FAM222B: variants seen among roughly 807,000 people sequenced by gnomAD.
FAM222B encodes the protein protein FAM222B.
FAM222B carries 12 observed loss-of-function variants against 38.0 expected under a neutral mutation model. That is an observed-to-expected ratio of 0.32 (90% CI 0.20 to 0.51). FAM222B has a LOEUF of 0.51. Among genes scored for constraint, FAM222B ranks in the 20% least tolerant of loss-of-function variants. FAM222B has a pLI of 0.97. For synonymous variants in FAM222B, 329 were observed against 317.2 expected (o/e 1.04, Z -0.40); for missense variants, 716 against 754.2 (o/e 0.95, Z 0.59).
intron 1 of FAM222B, among the ~76,000 whole-genome samples, chr17:28,808,007 CTT>C (rs1178685859): frequency 1.3e-5 from 2 of 152,228 alleles, no homozygotes; most frequent in African/African-American, 4.8e-5. Flanking sequence ...TCAGTGGACT[CTT>C]TCCCTTTTAC....
At chr17:28,767,749 T>C (rs934506935) in intron 1 of FAM222B, among the ~76,000 whole-genome samples, 2 of 152,188 alleles carry the variant, frequency 1.3e-5, no homozygotes, top group African/African-American at 4.8e-5. Flanking sequence ...GTGCTGTGAT[T>C]ACAGTCATGA....
At chr17:28,808,782 C>G (rs1359413361) in intron 1 of FAM222B, among the ~76,000 whole-genome samples, 8 of 152,216 alleles carry the variant, frequency 5.3e-5, no homozygotes, top group Non-Finnish European at 8.8e-5. Flanking sequence ...ATCCATTGTT[C>G]TAAATAAGTC....
rs141392362 is a variant in FAM222B at position 28,779,240 on chromosome 17, A to G, written c.-40-12533T>C. ...GAGACAAGGACACTACAAGAAAATT[A>G]CAGGTCAATATCCCTGATGAACAAA... On this transcript the variant is annotated intron_variant, in intron 1 of 2. Coordinates refer to ENST00000581407, the MANE Select transcript of FAM222B (RefSeq NM_001077498.3). Among the ~76,000 whole-genome samples, 28 of 152,298 alleles carry G rather than the reference A, an allele frequency of 1.8e-4. No individual in the cohort carries two copies. The East Asian group carries it at 5.2e-3, about 28-fold the overall frequency.
At chr17:28,773,690 C>G (rs1046984520) in intron 1 of FAM222B, among the ~76,000 whole-genome samples, 1 of 151,586 alleles carries the variant, frequency 6.6e-6, no homozygotes, top group Non-Finnish European at 1.5e-5. Flanking sequence ...CCCAGCTACT[C>G]GAGAGGCTGA....
At chr17:28,838,596 T>C (rs1165232383) in intron 1 of FAM222B, among the ~76,000 whole-genome samples, 1 of 140,208 alleles carries the variant, frequency 7.1e-6, no homozygotes. Context: ...AATAAATAAA[T>C]AGAATTTAAA....
intron 1 of FAM222B, among the ~76,000 whole-genome samples, chr17:28,803,956 G>C (rs991100731): frequency 6.6e-6 from 1 of 151,848 alleles, no homozygotes; most frequent in African/African-American, 2.4e-5. Context: ...GCTCCAGCCT[G>C]GGTGACAGAG....
chr17:28,758,834 C>A lies in FAM222B; in HGVS notation c.1125G>T (p.Gln375His). 6.2e-7 allele frequency: 1 copy of A among 1,600,090 alleles called. No homozygotes were observed. The highest frequency in any genetic ancestry group is 8.5e-7 in the Non-Finnish European group (1 of 1,173,986). ...WNQHQLAHLQ[Q>H]MCSEASGTPA... ...GCGTCCCACTAGCCTCGCTGCACATCTGCTGTAGGTGGGCCAGCTGGTGCT... is the reference window on the plus strand; with the variant it reads ...GCGTCCCACTAGCCTCGCTGCACATATGCTGTAGGTGGGCCAGCTGGTGCT... The change falls in exon 3 of 3, where the codon CAG (glutamine) becomes CAT (histidine). Residue 375 changes from glutamine to histidine, a missense_variant. Coordinates refer to ENST00000581407, the MANE Select transcript of FAM222B (RefSeq NM_001077498.3).
chr17:28,829,466 C>G (rs188829796), intron 1 of FAM222B, among the ~76,000 whole-genome samples: 32 of 152,276 alleles, frequency 2.1e-4, no homozygotes, highest in African/African-American at 7.5e-4. Flanking sequence ...ACCACTGCGC[C>G]CGGCCCACTG....
intron 1 of FAM222B, among the ~76,000 whole-genome samples, chr17:28,788,779 T>C (rs531030066): frequency 2.6e-5 from 4 of 152,268 alleles, no homozygotes; most frequent in African/African-American, 9.6e-5. Flanking sequence ...TCTCACTCTG[T>C]CATCCAGGCT....
intron 1 of FAM222B, among the ~76,000 whole-genome samples, chr17:28,780,033 C>A (rs973100086): frequency 1.3e-5 from 2 of 151,132 alleles, no homozygotes; most frequent in African/African-American, 4.9e-5. Flanking sequence ...TGCAGTGATG[C>A]AATCTCAGCT....
chr17:28,773,408 G>A (rs897820691), intron 1 of FAM222B, among the ~76,000 whole-genome samples: 1 of 150,100 alleles, frequency 6.7e-6, no homozygotes, highest in Non-Finnish European at 1.5e-5. Flanking sequence ...GAACCTGGGA[G>A]GTGGAGGTTG....
intron 1 of FAM222B, among the ~76,000 whole-genome samples, chr17:28,823,691 A>G (rs1229719724): frequency 1.3e-5 from 2 of 151,976 alleles, no homozygotes; most frequent in Non-Finnish European, 2.9e-5. Context: ...TCTCTTTCAA[A>G]TTGCTCTTCT....
At position 28,794,542 on chromosome 17, in the gene FAM222B, T is replaced by G. The variant is rs376680091; in HGVS notation, c.-40-27835A>C. ...GCCTGTCTTTTGCATTTTAAAGAGA[T>G]AAGATTTTGCTTATACCCACAACAT... On this transcript the variant is annotated intron_variant, in intron 1 of 2. Transcript: ENST00000581407. 1.8e-3 allele frequency among the ~76,000 whole-genome samples: 272 copies of G among 152,138 alleles called. 1 individual carries two copies. The highest frequency in any genetic ancestry group is 6.1e-3 in the African/African-American group (255 of 41,500).
intron 1 of FAM222B, among the ~76,000 whole-genome samples, chr17:28,775,432 G>C (rs1178131335): frequency 6.8e-6 from 1 of 147,660 alleles, no homozygotes; most frequent in African/African-American, 2.5e-5. Context: ...TACTTCATTA[G>C]TTCTCTTCTG....
At chr17:28,775,657 G>C (rs2035853762) in intron 1 of FAM222B, among the ~76,000 whole-genome samples, 1 of 151,516 alleles carries the variant, frequency 6.6e-6, no homozygotes, top group African/African-American at 2.4e-5. Flanking sequence ...GAGGTGCGTG[G>C]ATCACTTGAG....
chr17:28,823,751 C>T (rs1045022802), intron 1 of FAM222B, among the ~76,000 whole-genome samples: 4 of 152,146 alleles, frequency 2.6e-5, no homozygotes, highest in Non-Finnish European at 5.9e-5. Context: ...ACCATGACTT[C>T]AAATTCTATC....
chr17:28,841,283 GACTCCGTCTC>G (rs1211318767), intron 1 of FAM222B, among the ~76,000 whole-genome samples: 3 of 152,278 alleles, frequency 2.0e-5, no homozygotes, highest in African/African-American at 7.2e-5. Context: ...GACAGAGCGA[GACTCCGTCTC>G]AAAAATAAAA....
intron 1 of FAM222B, among the ~76,000 whole-genome samples, chr17:28,807,038 G>A (rs930962254): frequency 1.3e-5 from 2 of 150,398 alleles, no homozygotes; most frequent in Admixed American, 6.6e-5. Flanking sequence ...TTTTTTAGAT[G>A]GAATTTCGTT....
chr17:28,785,195 CTCTG>C (rs1002334764), intron 1 of FAM222B, among the ~76,000 whole-genome samples: 5 of 118,388 alleles, frequency 4.2e-5, no homozygotes, highest in African/African-American at 1.2e-4. Flanking sequence ...GGTATTGAAT[CTCTG>C]TCTTAGTTCC....
Sources: allele counts gnomAD v4.1 joint callset (sites outside exome capture counted in the v4.1 genomes callset), GRCh38; gene constraint gnomAD v4.1.1; transcripts MANE v1.5; gene names NCBI Gene and HGNC (gene_info 2026-07-23, HGNC 2026-07-21).